Variants in GLS observed in about 807,000 individuals in gnomAD.
GLS encodes the protein glutaminase.
A neutral mutation model predicts 86.7 loss-of-function variants in GLS; 36 were observed. The ratio of observed to expected loss-of-function variants is 0.42; its 90% CI spans 0.32 to 0.55. The LOEUF (loss-of-function observed/expected upper bound fraction) is 0.55, where lower values mean the gene tolerates loss of function less well. Ranked by LOEUF, GLS falls within the 20% of genes least tolerant of loss-of-function variation. The pLI, the probability that GLS is intolerant of heterozygous loss-of-function variation, is 0.17. For synonymous variants in GLS, 317 were observed against 305.9 expected (o/e 1.04, Z -0.38); for missense variants, 528 against 833.4 (o/e 0.63, Z 4.51).
At position 190,924,581 on chromosome 2, in the gene GLS, CT is replaced by C; in HGVS notation, c.1238del (p.Phe413SerfsTer10). On this transcript the variant is annotated frameshift_variant, in exon 11 of 18. Coordinates refer to ENST00000320717, the MANE Select transcript of GLS (RefSeq NM_014905.5). LOFTEE classifies it high-confidence loss of function. The surrounding 1 kb of genome is among the most constrained non-coding windows in gnomAD (Gnocchi z 5.2). ...GCACAGACATGGTTGGTATATTAGA[CT>C]TCTACTTCCAGGTAATCTAATTATG... ...EGTDMVGILD[F>X]YFQLCSIEVT... 6.5e-7 allele frequency: 1 copy of C among 1,533,584 alleles called. No individual in the cohort carries two copies. The highest frequency in any genetic ancestry group is 9.0e-7 in the Non-Finnish European group (1 of 1,106,648). 95.0% of individuals were successfully genotyped at this position (1,533,584 alleles called of 1,614,324 possible).
Position 190,964,981 on chromosome 2 carries a change from CTT to C in GLS, c.*1997_*1998del, listed in dbSNP as rs758758392. 2.0e-5 allele frequency: 3 copies of C among 152,044 alleles called. No homozygotes were observed. Among genetic ancestry groups the C allele is most frequent in the Non-Finnish European group, 4.4e-5 (3 of 68,016 alleles). 9.4% of individuals were successfully genotyped at this position (152,044 alleles called of 1,614,324 possible). A position where few individuals can be genotyped will look rare whatever the true frequency, so the allele number is the denominator to read the frequency against. The stretch of plus-strand genomic sequence containing the variant: ...TCAGATCAAAACCATTCTGTAAAAT[CTT>C]TGTTGTTTAATTAAATGTGCCGTTA... On this transcript the variant is annotated 3_prime_UTR_variant, in exon 18 of 18. Transcript: ENST00000320717. The surrounding 1 kb of genome is among the most constrained non-coding windows in gnomAD (Gnocchi z 5.2).
Position 190,954,093 on chromosome 2 carries a change from T to C in GLS, c.1712+467T>C, listed in dbSNP as rs1355829715. On this transcript the variant is annotated intron_variant, in intron 15 of 17. Coordinates refer to ENST00000320717, the MANE Select transcript of GLS (RefSeq NM_014905.5). This position sits in a 1 kb window ranked among gnomAD's most constrained non-coding sequence, Gnocchi z 4.0. The stretch of plus-strand genomic sequence containing the variant: ...GTCTTTTGTGTAGAGTTGTAACTTA[T>C]TTTCTTTTTTTTTTCTCCCATTAAT... 6.8e-6 allele frequency among the ~76,000 whole-genome samples: 1 copy of C among 147,666 alleles called. No homozygotes were observed. Among genetic ancestry groups the C allele is most frequent in the Non-Finnish European group, 1.5e-5 (1 of 67,752 alleles).
chr2:190,919,569 G>A (rs1047226027), intron 7 of GLS: 6 of 226,122 alleles, frequency 2.7e-5, no homozygotes, highest in Admixed American at 2.0e-4. Flanking sequence ...TTGTTTTTTT[G>A]TGCTTTTTCT....
chr2:190,896,352 A>G (rs958546495), intron 3 of GLS: 11 of 152,304 alleles, frequency 7.2e-5, no homozygotes, highest in Non-Finnish European at 1.2e-4. Flanking sequence ...ATGTGTTTCT[A>G]TTAGTTTGAT....
chr2:190,944,658 T>C (rs908027888), intron 14 of GLS, among the ~76,000 whole-genome samples: 1 of 152,226 alleles, frequency 6.6e-6, no homozygotes, highest in Non-Finnish European at 1.5e-5. Flanking sequence ...GCTTATGACC[T>C]CATTGGTATC....
At position 190,962,943 on chromosome 2, in the gene GLS, A is replaced by G. The variant is rs763251579; in HGVS notation, c.1967A>G (p.Lys656Arg). ...CCTCAAGGAGATTCTGACAACGGGAAGGAAAATCAAACCGTCCATAAGAAT... is the reference window on the plus strand; with the variant it reads ...CCTCAAGGAGATTCTGACAACGGGAGGGAAAATCAAACCGTCCATAAGAAT... ...YTPQGDSDNG[K>R]ENQTVHKNLD... The change falls in exon 18 of 18, where the codon AAG becomes AGG. Residue 656 changes from lysine (K) to arginine (R), a missense_variant. Physicochemically the swap from Lys to Arg is conservative, Grantham distance 26. Transcript: ENST00000320717. This position sits in a 1 kb window ranked among gnomAD's most constrained non-coding sequence, Gnocchi z 4.2. The G allele has an allele frequency of 2.5e-6, 4 of 1,610,804 alleles. No individual in the cohort carries two copies. Among genetic ancestry groups the G allele is most frequent in the Non-Finnish European group, 8.5e-7 (1 of 1,178,770 alleles).
intron 5 of GLS, 102 bp from the exon 6 acceptor site, chr2:190,904,902 A>AT (rs1409146463): frequency 1.2e-5 from 9 of 726,668 alleles, no homozygotes; most frequent in Non-Finnish European, 2.2e-5. Flanking sequence ...TTATGGGAAA[A>AT]TTTTTGTTGG....
chr2:190,931,351 G>A (rs1310340115), intron 13 of GLS, among the ~76,000 whole-genome samples, 194 bp from the exon 14 acceptor site: 1 of 152,086 alleles, frequency 6.6e-6, no homozygotes, highest in Non-Finnish European at 1.5e-5. Context: ...GATCATGTTA[G>A]TAAGCAGTGT....
Position 190,942,902 on chromosome 2 carries a change from T to C in GLS, c.1651-10663T>C, listed in dbSNP as rs1019561115. Reference sequence around the variant, plus strand: ...GTTACACAAGCCTTAAGTGTGTTGATCTTAGAAATCACGCCTATCAACTTA... The same window carrying C: ...GTTACACAAGCCTTAAGTGTGTTGACCTTAGAAATCACGCCTATCAACTTA... On this transcript the variant is annotated intron_variant, in intron 14 of 17. Coordinates refer to ENST00000320717, the MANE Select transcript of GLS (RefSeq NM_014905.5). Among the ~76,000 whole-genome samples, 21 of 152,210 alleles carry C rather than the reference T, an allele frequency of 1.4e-4. 1 individual carries two copies. The highest frequency in any genetic ancestry group is 4.8e-4 in the African/African-American group (20 of 41,454).
chr2:190,917,981 A>G (rs2124887525), intron 7 of GLS, among the ~76,000 whole-genome samples: 1 of 152,208 alleles, frequency 6.6e-6, no homozygotes, highest in East Asian at 1.9e-4. Context: ...AAAATATTCA[A>G]TAAACAAGGT....
At position 190,953,948 on chromosome 2, in the gene GLS, ATATGTGTG is replaced by A. The variant is rs1202483269; in HGVS notation, c.1712+324_1712+331del. 2.8e-4 allele frequency among the ~76,000 whole-genome samples: 30 copies of A among 108,734 alleles called. No individual in the cohort carries two copies. Among genetic ancestry groups the A allele is most frequent in the South Asian group, 1.1e-3 (3 of 2,786 alleles). The allele number at this position is 108,734 out of a possible 152,430, so 71.3% of individuals were successfully genotyped here. On this transcript the variant is annotated intron_variant, in intron 15 of 17. Transcript: ENST00000320717. This position sits in a 1 kb window ranked among gnomAD's most constrained non-coding sequence, Gnocchi z 4.0. The stretch of plus-strand genomic sequence containing the variant: ...GTCTACCCTCCATTCCCAATCTTTG[ATATGTGTG>A]TGTGTGTGTGTGTGTGTGTGTGTGT...
chr2:190,931,590 C>T lies in GLS; in HGVS notation c.1603C>T (p.His535Tyr). 6.3e-7 allele frequency: 1 copy of T among 1,587,026 alleles called. No individual in the cohort carries two copies. The highest frequency in any genetic ancestry group is 8.6e-7 in the Non-Finnish European group (1 of 1,158,074). ...TTTCCATAACTATGATAATTTGAGA[C>T]ACTTTGCAAAAAAACTTGATCCTCG... is the stretch of plus-strand genomic sequence containing the variant. ...CNFHNYDNLRHFAKKLDPRRE... is the reference protein window; with the variant it reads ...CNFHNYDNLRYFAKKLDPRRE... Residue 535 changes from histidine to tyrosine, a missense_variant, in exon 14 of 18, where the codon CAC (histidine) becomes TAC (tyrosine). Around this residue, in one of 4 missense-constraint regions of GLS, gnomAD observed 163 missense variants for 429.2 expected, o/e 0.38. Coordinates refer to ENST00000320717, the MANE Select transcript of GLS (RefSeq NM_014905.5).
At chr2:190,941,194 C>G (rs1243869868) in intron 14 of GLS, among the ~76,000 whole-genome samples, 6 of 152,074 alleles carry the variant, frequency 3.9e-5, no homozygotes, top group Non-Finnish European at 4.4e-5. Context: ...TGCAATTAAG[C>G]AGGGATACAG....
intron 14 of GLS, among the ~76,000 whole-genome samples, chr2:190,948,541 A>G (rs1171240087): frequency 6.6e-6 from 1 of 152,238 alleles, no homozygotes; most frequent in Non-Finnish European, 1.5e-5. Context: ...TTAAAGGGGA[A>G]TGTGTAGTTC....
rs1408239757 is a variant in GLS at position 190,924,155 on chromosome 2, GTTAAT to G, written c.1197+175_1197+179del. On this transcript the variant is annotated intron_variant, in intron 10 of 17. Transcript: ENST00000320717. The surrounding 1 kb of genome is among the most constrained non-coding windows in gnomAD (Gnocchi z 5.2). Reference sequence around the variant, plus strand: ...GTGTTATCAAATTGTTAATGTTATTGTTAATTTGATTTGTATCTGGCAGCATTTAA... The same window carrying G: ...GTGTTATCAAATTGTTAATGTTATTGTTGATTTGTATCTGGCAGCATTTAA... Among the ~76,000 whole-genome samples, 1 of 152,026 alleles carries G rather than the reference GTTAAT, an allele frequency of 6.6e-6. No homozygotes were observed. Among genetic ancestry groups the G allele is most frequent in the African/African-American group, 2.4e-5 (1 of 41,410 alleles).
Position 190,895,101 on chromosome 2 carries a change from C to T in GLS, c.387-51C>T. 1.3e-6 allele frequency: 1 copy of T among 780,652 alleles called. No homozygotes were observed. The highest frequency in any genetic ancestry group is 2.5e-5 in the East Asian group (1 of 40,630). The allele number at this position is 780,652 out of a possible 1,614,324, so 48.4% of individuals were successfully genotyped here. A position where few individuals can be genotyped will look rare whatever the true frequency, so the allele number is the denominator to read the frequency against. On this transcript the variant is annotated intron_variant, in intron 1 of 17. Transcript: ENST00000320717. This position sits in a 1 kb window ranked among gnomAD's most constrained non-coding sequence, Gnocchi z 4.2. ...TTAACAATGGATTTAGTTAAAAATC[C>T]AGTAGAATGTTCATACAAGGATTAA...
chr2:190,958,054 G>A (rs547235861), intron 17 of GLS, among the ~76,000 whole-genome samples: 23 of 152,244 alleles, frequency 1.5e-4, no homozygotes, highest in Admixed American at 1.5e-3. Flanking sequence ...TTTTCGGTTG[G>A]TAGGCTATTA....
At chr2:190,961,965 T>A (rs1485446318) in intron 17 of GLS, among the ~76,000 whole-genome samples, 1 of 152,136 alleles carries the variant, frequency 6.6e-6, no homozygotes, top group Non-Finnish European at 1.5e-5. Context: ...TTTTGTAATG[T>A]AAGTAGAGAG....
intron 4 of GLS, among the ~76,000 whole-genome samples, chr2:190,900,916 T>C (rs986855383): frequency 2.0e-5 from 3 of 152,178 alleles, no homozygotes; most frequent in African/African-American, 7.2e-5. Context: ...AAGAATTTTT[T>C]ATTTTCAGAT....
Sources: allele counts gnomAD v4.1 joint callset (sites outside exome capture counted in the v4.1 genomes callset), GRCh38; gene constraint gnomAD v4.1.1; regional missense constraint gnomAD v4.1.1; non-coding constraint Gnocchi (gnomAD v3.1); transcripts MANE v1.5; gene names NCBI Gene and HGNC (gene_info 2026-07-23, HGNC 2026-07-21).